Variants in ATP13A1 observed in about 807,000 individuals in gnomAD.
The protein encoded by ATP13A1 is endoplasmic reticulum transmembrane helix translocase.
A neutral mutation model predicts 134.8 loss-of-function variants in ATP13A1; 55 were observed. The ratio of observed to expected loss-of-function variants is 0.41; its 90% confidence interval spans 0.33 to 0.51. ATP13A1 has a LOEUF of 0.51. ATP13A1 is among the 20% of genes least tolerant of loss of function. The probability of loss-of-function intolerance (pLI) is 0.29; values close to 1 mark genes in which losing one functional copy is unlikely to be tolerated. For missense variants in ATP13A1, 1,389 were observed against 1,652.8 expected (o/e 0.84, Z 2.77); for synonymous variants, 775 against 725.1 (o/e 1.07, Z -1.10).
chr19:19,659,579 T>C (rs766615483), intron 3 of ATP13A1, 22 bp downstream of exon 3: 2 of 1,600,420 alleles, frequency 1.2e-6, no homozygotes, highest in African/African-American at 1.3e-5. Context: ...GCAAAGGTGC[T>C]ACAGGCAAAT....
chr19:19,652,187 C>T (rs568475053), intron 16 of ATP13A1, among the ~76,000 whole-genome samples: 5 of 152,210 alleles, frequency 3.3e-5, no homozygotes, highest in South Asian at 4.2e-4. Context: ...TCCTCTGAGA[C>T]GGCTCACTCA....
intron 19 of ATP13A1, among the ~76,000 whole-genome samples, chr19:19,648,505 AAAAAAAG>A (rs984078677): frequency 8.0e-5 from 12 of 150,294 alleles, no homozygotes; most frequent in African/African-American, 2.5e-4. Context: ...TTGCAAAAAA[AAAAAAAG>A]AAAAAAGAAA....
chr19:19,655,836 C>G lies in ATP13A1; in HGVS notation c.1269+42G>C. 6.4e-7 allele frequency: 1 copy of G among 1,552,946 alleles called. No individual in the cohort carries two copies. The highest frequency in any genetic ancestry group is 1.2e-5 in the South Asian group (1 of 85,172). Reference sequence around the variant, plus strand: ...GGAAAGGGCTGATACCTTGGCTGTCCAACTGCCCTGGGGCCCGCCCTCCCC... The same window carrying G: ...GGAAAGGGCTGATACCTTGGCTGTCGAACTGCCCTGGGGCCCGCCCTCCCC... On this transcript the variant is annotated intron_variant, in intron 9 of 25. Transcript: ENST00000357324. The surrounding 1 kb of genome is among the most constrained non-coding windows in gnomAD (Gnocchi z 5.7).
In ATP13A1 at chr19:19,647,283, G is replaced by A. The variant is rs139327440; in HGVS notation, c.2951C>T (p.Thr984Met). 3.4e-5 allele frequency: 55 copies of A among 1,613,440 alleles called. No homozygotes were observed. Among genetic ancestry groups the A allele is most frequent in the Middle Eastern group, 1.6e-4 (1 of 6,084 alleles). ...CGCCAGGATCTTGAACATCTGTAGC[G>A]TGGTCACCAGCGTGCAGCGGCCCTG... ...IKQGRCTLVTTLQMFKILALN... is the reference protein window; with the variant it reads ...IKQGRCTLVTMLQMFKILALN... The change falls in exon 22 of 26, where the codon ACG (threonine) becomes ATG (methionine). Residue 984 changes from threonine (T) to methionine (M), a missense_variant. Coordinates refer to ENST00000357324, the MANE Select transcript of ATP13A1 (RefSeq NM_020410.3). The surrounding 1 kb of genome is among the most constrained non-coding windows in gnomAD (Gnocchi z 4.8).
chr19:19,656,750 C>G lies in ATP13A1; in HGVS notation c.993G>C (p.Glu331Asp). The G allele has an allele frequency of 6.2e-7, 1 of 1,613,736 alleles. No individual in the cohort carries two copies. Among genetic ancestry groups the G allele is most frequent in the Non-Finnish European group, 8.5e-7 (1 of 1,179,874 alleles). Residue 331 changes from glutamate (E) to aspartate (D), a missense_variant, in exon 7 of 26, where the codon GAG (glutamate) becomes GAC (aspartate). Physicochemically the swap from Glu to Asp is conservative, Grantham distance 45. Coordinates refer to ENST00000357324, the MANE Select transcript of ATP13A1 (RefSeq NM_020410.3). This position sits in a 1 kb window ranked among gnomAD's most constrained non-coding sequence, Gnocchi z 4.6. ...GAAGCACGTCACATGGCACCAGGTT[C>G]TCCTGTGGGGAGCGGCCTGCAGGGC... ...DIVSIGRSPQ[E>D]NLVPCDVLLL... is the part of the protein sequence containing the mutation.
intron 19 of ATP13A1, among the ~76,000 whole-genome samples, 162 bp downstream of exon 19, chr19:19,649,405 C>T (rs2062009479): frequency 6.6e-6 from 1 of 152,204 alleles, no homozygotes; most frequent in African/African-American, 2.4e-5. Flanking sequence ...ATATTCGCAT[C>T]CCTTCCTGCC....
chr19:19,646,125 C>T lies in ATP13A1; in HGVS notation c.3248+80G>A, dbSNP rs979133411. 1.7e-5 allele frequency: 27 copies of T among 1,604,176 alleles called. No individual in the cohort carries two copies. In the East Asian group the frequency reaches 5.8e-4, roughly 34 times the overall value. ...CTGGACACCCTGGACAACCCCCAGCCTCTCCTGCTGAAGTCTGTGGAGTCA... is the reference window on the plus strand; with the variant it reads ...CTGGACACCCTGGACAACCCCCAGCTTCTCCTGCTGAAGTCTGTGGAGTCA... On this transcript the variant is annotated intron_variant, in intron 23 of 25. Transcript: ENST00000357324.
rs1599434056 is a variant in ATP13A1 at position 19,655,580 on chromosome 19, G to A, written c.1344C>T (p.Ile448=). 1 of 1,613,984 alleles carries A rather than the reference G, an allele frequency of 6.2e-7. No homozygotes were observed. Among genetic ancestry groups the A allele is most frequent in the Middle Eastern group, 1.6e-4 (1 of 6,062 alleles). The part of the protein sequence containing the change: ...TANNLETFIF[I]LFLLVFAIAA... Reference sequence around the variant, plus strand: ...CGATGGCAAACACCAGGAGGAAGAGGATGAAGATGAAGGTCTCCAGGTTGT... The same window carrying A: ...CGATGGCAAACACCAGGAGGAAGAGAATGAAGATGAAGGTCTCCAGGTTGT... The change falls in exon 10 of 26, where the codon ATC becomes ATT. Residue 448 remains isoleucine, a synonymous_variant. Coordinates refer to ENST00000357324, the MANE Select transcript of ATP13A1 (RefSeq NM_020410.3). This position sits in a 1 kb window ranked among gnomAD's most constrained non-coding sequence, Gnocchi z 5.7.
chr19:19,658,576 G>A (rs1322292582), intron 3 of ATP13A1, among the ~76,000 whole-genome samples: 1 of 152,204 alleles, frequency 6.6e-6, no homozygotes, highest in Non-Finnish European at 1.5e-5. Flanking sequence ...GAGCTCCCTA[G>A]GTGTTCTGTG....
chr19:19,654,182 T>C (rs1266174727), intron 13 of ATP13A1, 38 bp from the exon 14 acceptor site: 1 of 1,546,430 alleles, frequency 6.5e-7, no homozygotes, highest in Non-Finnish European at 8.8e-7. Flanking sequence ...GGGGCTTTGC[T>C]CCAAAGAGGC....
Position 19,647,375 on chromosome 19 carries a change from G to A in ATP13A1, c.2908+39C>T. ...GTGGGTGTGGGTAGGGGTGCCAAGG[G>A]GGGAATGAAGGGAGGGGGAGCGGGG... On this transcript the variant is annotated intron_variant, in intron 21 of 25. Transcript: ENST00000357324. This position sits in a 1 kb window ranked among gnomAD's most constrained non-coding sequence, Gnocchi z 4.8. The A allele has an allele frequency of 1.9e-6, 3 of 1,606,876 alleles. No individual in the cohort carries two copies. The highest frequency in any genetic ancestry group is 2.6e-6 in the Non-Finnish European group (3 of 1,175,668).
At chr19:19,658,079 T>G (rs999312321) in intron 3 of ATP13A1, among the ~76,000 whole-genome samples, 1 of 145,252 alleles carries the variant, frequency 6.9e-6, no homozygotes, top group Non-Finnish European at 1.5e-5. Flanking sequence ...AGCCCAGGAG[T>G]TCAAGGCTAC....
chr19:19,646,319 G>A lies in ATP13A1; in HGVS notation c.3134C>T (p.Pro1045Leu). 6.2e-7 allele frequency: 1 copy of A among 1,613,946 alleles called. No individual in the cohort carries two copies. Among genetic ancestry groups the A allele is most frequent in the Non-Finnish European group, 8.5e-7 (1 of 1,179,840 alleles). The change falls in exon 23 of 26, where the codon CCC becomes CTC. Residue 1045 changes from proline (P) to leucine (L), a missense_variant. Coordinates refer to ENST00000357324, the MANE Select transcript of ATP13A1 (RefSeq NM_020410.3). ...KPLKTLSRER[P>L]LPNIFNLYTI... The stretch of plus-strand genomic sequence containing the variant: ...GTACAGGTTGAAGATGTTGGGCAGG[G>A]GCCGTTCTCGGGAGAGGGTCTTGAG...
rs370134620 is a variant in ATP13A1, at chr19:19,663,451, C to T, written c.216G>A (p.Gly72=). Residue 72 remains glycine (G), a synonymous_variant, in exon 1 of 26, where the codon GGG becomes GGA. Transcript: ENST00000357324. ...LRRLTVLPFA[G]LLYPAWLGAA... is the part of the protein sequence containing the mutation. The stretch of plus-strand genomic sequence containing the variant: ...CACCCAACCAGGCCGGGTAAAGCAG[C>T]CCGGCGAATGGCAGCACCGTGAGGC... 3.9e-6 allele frequency: 6 copies of T among 1,553,536 alleles called. No individual in the cohort carries two copies. The African/African-American group carries it at 8.2e-5, about 21-fold the overall frequency.
intron 1 of ATP13A1, among the ~76,000 whole-genome samples, chr19:19,661,883 G>C (rs913173006): frequency 6.6e-6 from 1 of 152,210 alleles, no homozygotes; most frequent in African/African-American, 2.4e-5. Context: ...CAAACGTGAC[G>C]TCACGGAAGA....
rs1254707265 is a variant in ATP13A1 at position 19,649,585 on chromosome 19, G to A, written c.2614C>T (p.Leu872=). Residue 872 remains leucine, a synonymous_variant, in exon 19 of 26, where the codon CTG becomes TTG. Coordinates refer to ENST00000357324, the MANE Select transcript of ATP13A1 (RefSeq NM_020410.3). ...CACTCACCCACGTCAGCATGCTTCA[G>A]GGCGCCCACGTCGTTGGTGCCATCC... ...CGDGTNDVGA[L]KHADVGVALL... The A allele has an allele frequency of 6.2e-7, 1 of 1,613,680 alleles. No individual in the cohort carries two copies. Among genetic ancestry groups the A allele is most frequent in the Admixed American group, 1.7e-5 (1 of 59,944 alleles).
Position 19,656,444 on chromosome 19 carries a change from C to G in ATP13A1, c.1083+216G>C, listed in dbSNP as rs1383437025. Reference sequence around the variant, plus strand: ...TGGACTGCTCCCAGCCCACCTTGGTCTGACATCCCAGGGCACCAATGTACC... The same window carrying G: ...TGGACTGCTCCCAGCCCACCTTGGTGTGACATCCCAGGGCACCAATGTACC... On this transcript the variant is annotated intron_variant, in intron 7 of 25. Coordinates refer to ENST00000357324, the MANE Select transcript of ATP13A1 (RefSeq NM_020410.3). The surrounding 1 kb of genome is among the most constrained non-coding windows in gnomAD (Gnocchi z 4.6). Among the ~76,000 whole-genome samples the G allele has an allele frequency of 1.3e-5, 2 of 152,174 alleles. No individual in the cohort carries two copies. Among genetic ancestry groups the G allele is most frequent in the African/African-American group, 4.8e-5 (2 of 41,436 alleles).
At chr19:19,663,052 G>A (rs1369667213) in intron 1 of ATP13A1, 13 of 742,636 alleles carry the variant, frequency 1.8e-5, no homozygotes, top group Non-Finnish European at 3.2e-5. Flanking sequence ...ATAACAGGGA[G>A]GACTTCAGAA....
At chr19:19,648,979 A>ATG (rs1224807967) in intron 19 of ATP13A1, among the ~76,000 whole-genome samples, 66 of 147,972 alleles carry the variant, frequency 4.5e-4, no homozygotes, top group Non-Finnish European at 7.6e-4. Flanking sequence ...AAAATTAGCC[A>ATG]GGCATGGTGG....
Sources: allele counts gnomAD v4.1 joint callset (sites outside exome capture counted in the v4.1 genomes callset), GRCh38; gene constraint gnomAD v4.1.1; non-coding constraint Gnocchi (gnomAD v3.1); transcripts MANE v1.5; gene names NCBI Gene and HGNC (gene_info 2026-07-23, HGNC 2026-07-21).